RAC2: variants seen among roughly 807,000 people sequenced by gnomAD.
RAC2 encodes Rac family small GTPase 2, also known as ras-related C3 botulinum toxin substrate 2.
Under a neutral mutation model 24.0 loss-of-function variants are expected in RAC2, and 1 was observed. The observed-to-expected ratio is 0.04, with a 90% CI of 0.01 to 0.20. The LOEUF (loss-of-function observed/expected upper bound fraction) is 0.20, where lower values mean the gene tolerates loss of function less well. Among genes scored for constraint, RAC2 ranks in the 10% least tolerant of loss-of-function variants. RAC2 has a pLI of 1.00. For synonymous variants in RAC2, 114 were observed against 106.8 expected, an observed-to-expected ratio of 1.07 and a Z score of -0.41; for missense variants, 130 against 259.1, an observed-to-expected ratio of 0.50 and a Z score of 3.42.
chr22:37,226,682 G>A lies in RAC2; in HGVS notation c.570C>T (p.Ser190=), dbSNP rs1179690918. The change falls in exon 6 of 7, where the codon AGC becomes AGT. Residue 190 remains serine, a synonymous_variant. Coordinates refer to ENST00000249071, the MANE Select transcript of RAC2 (RefSeq NM_002872.5). ...TGGGGGACTCTTACCCCTAGAGGAG[G>A]CTGCAGGCGCGCTTCTGCTGCCGCG... ...QPTRQQKRAC[S]LL is the part of the protein sequence containing the mutation. 3.7e-6 allele frequency: 6 copies of A among 1,612,730 alleles called. No homozygotes were observed. Among genetic ancestry groups the A allele is most frequent in the Non-Finnish European group, 5.1e-6 (6 of 1,179,440 alleles).
At chr22:37,241,450 T>C in intron 2 of RAC2, 137 bp downstream of exon 2, 2 of 952,322 alleles carry the variant, frequency 2.1e-6, no homozygotes, top group Non-Finnish European at 3.4e-6. Context: ...TTGGCTGGAC[T>C]GTCAGGCAGC....
At position 37,231,828 on chromosome 22, in the gene RAC2, C is replaced by T. The variant is rs150758516; in HGVS notation, c.288+104G>A. 463 of 1,346,190 alleles carry T rather than the reference C, an allele frequency of 3.4e-4. No individual in the cohort carries two copies. Among genetic ancestry groups the T allele is most frequent in the Non-Finnish European group, 4.5e-4 (431 of 966,584 alleles). The allele number at this position is 1,346,190 out of a possible 1,614,324, so 83.4% of individuals were successfully genotyped here. On this transcript the variant is annotated intron_variant, in intron 4 of 6. Coordinates refer to ENST00000249071, the MANE Select transcript of RAC2 (RefSeq NM_002872.5). The surrounding 1 kb of genome is among the most constrained non-coding windows in gnomAD (Gnocchi z 5.5). ...TGGCACTGGGGACCCTCTCTGTATG[C>T]GACCTCTGCTGCCCCAGGGACCAGC...
rs765219118 is a variant in RAC2, at chr22:37,231,396, C to A, written c.289-6G>T. 90 of 1,613,664 alleles carry A rather than the reference C, an allele frequency of 5.6e-5. No homozygotes were observed. The highest frequency in any genetic ancestry group is 7.5e-5 in the Non-Finnish European group (88 of 1,179,964). On this transcript the variant is annotated splice_region_variant and splice_polypyrimidine_tract_variant and intron_variant, in intron 4 of 6. Coordinates refer to ENST00000249071, the MANE Select transcript of RAC2 (RefSeq NM_002872.5). The surrounding 1 kb of genome is among the most constrained non-coding windows in gnomAD (Gnocchi z 5.5). ...TGCCGCACTTCTGGGAACCACTGGG[C>A]AGGTGGGTGGGGGGACACAAGGTTG...
At chr22:37,232,573 A>C in intron 3 of RAC2, 12 of 558,308 alleles carry the variant, frequency 2.1e-5, no homozygotes, top group East Asian at 9.6e-5. Context: ...CCAGGAGGCA[A>C]TGGGGTGGGA....
chr22:37,236,701 C>T (rs1255254584), intron 2 of RAC2, among the ~76,000 whole-genome samples: 1 of 152,096 alleles, frequency 6.6e-6, no homozygotes, highest in African/African-American at 2.4e-5. Flanking sequence ...TGACCACCAC[C>T]GAAGCCCACC....
intron 2 of RAC2, among the ~76,000 whole-genome samples, chr22:37,235,772 C>T (rs970453640): frequency 1.3e-5 from 2 of 152,212 alleles, no homozygotes; most frequent in Non-Finnish European, 2.9e-5. Context: ...CTCTAATGTC[C>T]AGCCACAGTG....
intron 1 of RAC2, among the ~76,000 whole-genome samples, chr22:37,243,859 G>A (rs549126617): frequency 6.6e-6 from 1 of 152,284 alleles, no homozygotes; most frequent in African/African-American, 2.4e-5. Flanking sequence ...AGGAGCCCTG[G>A]GCACTCTCAC....
chr22:37,244,148 TC>T lies in RAC2; in HGVS notation c.-1del. ...ACCACCACACACTTGATGGCCTGCA[TC>T]GTGTCCGGAGCCTGGAGAGTGTCGG... On this transcript the variant is annotated 5_prime_UTR_variant, in exon 1 of 7. Transcript: ENST00000249071. 9 of 1,614,104 alleles carry T rather than the reference TC, an allele frequency of 5.6e-6. No individual in the cohort carries two copies. The highest frequency in any genetic ancestry group is 7.6e-6 in the Non-Finnish European group (9 of 1,179,994).
chr22:37,233,736 A>G (rs1927144127), intron 2 of RAC2, among the ~76,000 whole-genome samples: 1 of 152,238 alleles, frequency 6.6e-6, no homozygotes. Context: ...AGGGGACAGC[A>G]GCTGACACAG....
At chr22:37,232,967 A>G (rs1927115860) in intron 2 of RAC2, 49 bp from the exon 3 acceptor site, 1 of 1,400,924 alleles carries the variant, frequency 7.1e-7, no homozygotes, top group African/African-American at 1.4e-5. Flanking sequence ...AAACCCCAGA[A>G]CCTGGGAATT....
intron 1 of RAC2, among the ~76,000 whole-genome samples, chr22:37,242,181 C>G (rs35634144): frequency 0.02 from 3,013 of 152,248 alleles, 55 homozygotes; most frequent in Admixed American, 0.031. Flanking sequence ...AGCACAGGGC[C>G]TGATGCATGG....
rs368714879 is a variant in RAC2 at position 37,231,438 on chromosome 22, G to A, written c.289-48C>T. On this transcript the variant is annotated intron_variant, in intron 4 of 6. Coordinates refer to ENST00000249071, the MANE Select transcript of RAC2 (RefSeq NM_002872.5). The surrounding 1 kb of genome is among the most constrained non-coding windows in gnomAD (Gnocchi z 5.5). ...ACAAGGTTGTATGGGTCAAGAGGGGGCGCGAGGCTGTGCGGGGATCAGAGG... is the reference window on the plus strand; with the variant it reads ...ACAAGGTTGTATGGGTCAAGAGGGGACGCGAGGCTGTGCGGGGATCAGAGG... The A allele has an allele frequency of 1.5e-5, 24 of 1,578,868 alleles. No homozygotes were observed. The African/African-American group carries it at 2.8e-4, about 19-fold the overall frequency.
intron 1 of RAC2, among the ~76,000 whole-genome samples, chr22:37,243,639 G>C (rs374379711): frequency 6.6e-6 from 1 of 152,166 alleles, no homozygotes; most frequent in Non-Finnish European, 1.5e-5. Context: ...CCAGGGCATA[G>C]GCCTCCTCCC....
chr22:37,243,041 C>T (rs958574336), intron 1 of RAC2, among the ~76,000 whole-genome samples: 1 of 152,104 alleles, frequency 6.6e-6, no homozygotes, highest in African/African-American at 2.4e-5. Context: ...GCTCTGTCAC[C>T]CAGGCTGACT....
chr22:37,231,429 C>CAGCCATGGA lies in RAC2; in HGVS notation c.289-40_289-39insTCCATGGCT. ...TGGGGGGACACAAGGTTGTATGGGT[C>CAGCCATGGA]AAGAGGGGGCGCGAGGCTGTGCGGG... On this transcript the variant is annotated intron_variant, in intron 4 of 6. Coordinates refer to ENST00000249071, the MANE Select transcript of RAC2 (RefSeq NM_002872.5). The surrounding 1 kb of genome is among the most constrained non-coding windows in gnomAD (Gnocchi z 5.5). 1.2e-6 allele frequency: 2 copies of CAGCCATGGA among 1,600,844 alleles called. No individual in the cohort carries two copies. Among genetic ancestry groups the CAGCCATGGA allele is most frequent in the Non-Finnish European group, 1.7e-6 (2 of 1,170,024 alleles).
intron 5 of RAC2, among the ~76,000 whole-genome samples, chr22:37,228,822 C>G (rs554620662): frequency 3.9e-5 from 6 of 152,296 alleles, no homozygotes; most frequent in African/African-American, 1.2e-4. Flanking sequence ...GGACGAGGAG[C>G]CTGAGGCTCA....
At chr22:37,241,859 G>A (rs1202553899) in intron 1 of RAC2, among the ~76,000 whole-genome samples, 1 of 152,198 alleles carries the variant, frequency 6.6e-6, no homozygotes, top group Admixed American at 6.5e-5. Flanking sequence ...TTAAAGTGGA[G>A]ACTTCAGGGT....
chr22:37,228,362 G>C (rs1218610347), intron 5 of RAC2, among the ~76,000 whole-genome samples: 1 of 152,202 alleles, frequency 6.6e-6, no homozygotes, highest in Non-Finnish European at 1.5e-5. Context: ...CCCACCCCCA[G>C]GGACGGCGTT....
At chr22:37,233,266 C>T (rs1927127661) in intron 2 of RAC2, among the ~76,000 whole-genome samples, 2 of 139,824 alleles carry the variant, frequency 1.4e-5, no homozygotes. Context: ...TCAATGTTTG[C>T]TTTTTGTTGT....
Sources: gnomAD v4.1 joint callset for allele counts (sites outside exome capture counted in the v4.1 genomes callset) on GRCh38, gnomAD v4.1.1 for gene constraint, Gnocchi (gnomAD v3.1) non-coding constraint, MANE v1.5 for transcripts, NCBI Gene and HGNC (gene_info 2026-07-23, HGNC 2026-07-21) for gene names.